PMS1: variants seen among roughly 807,000 people sequenced by gnomAD.
PMS1 encodes PMS1 homolog 1, mismatch repair system component.
Under a neutral mutation model 93.1 loss-of-function variants are expected in PMS1, and 79 were observed. The observed-to-expected ratio is 0.85, with a 90% CI of 0.71 to 1.02. The LOEUF (loss-of-function observed/expected upper bound fraction) is 1.02, where lower values mean the gene tolerates loss of function less well. PMS1 is among the 50% of genes least tolerant of loss of function. The probability of loss-of-function intolerance (pLI) is 0.00; values close to 1 mark genes in which losing one functional copy is unlikely to be tolerated. For synonymous variants in PMS1, 335 were observed against 363.4 expected (o/e 0.92, Z 0.89); for missense variants, 1,064 against 1,085.3 (o/e 0.98, Z 0.28).
Position 189,795,826 on chromosome 2 carries a change from G to T in PMS1, c.190G>T (p.Val64Phe). 6.2e-7 allele frequency: 1 copy of T among 1,613,038 alleles called. No homozygotes were observed. Among genetic ancestry groups the T allele is most frequent in the Non-Finnish European group, 8.5e-7 (1 of 1,178,996 alleles). ...AGATAACGGGGAGGGTATCAAGGCTGTTGATGCACCTGTAATGGCAATGAA... is the reference window on the plus strand; with the variant it reads ...AGATAACGGGGAGGGTATCAAGGCTTTTGATGCACCTGTAATGGCAATGAA... The part of the protein sequence containing the change: ...VRDNGEGIKA[V>F]DAPVMAMKYY... The change falls in exon 3 of 13, where the codon GTT (valine) becomes TTT (phenylalanine). Residue 64 changes from valine to phenylalanine, a missense_variant. By Grantham distance (50) the Val-to-Phe change is conservative. Transcript: ENST00000441310.
rs180970888 is a variant in PMS1, at chr2:189,845,194, A to G, written c.699+1114A>G. 7.9e-5 allele frequency among the ~76,000 whole-genome samples: 12 copies of G among 152,276 alleles called. No homozygotes were observed. The East Asian group carries it at 2.1e-3, about 27-fold the overall frequency. The stretch of plus-strand genomic sequence containing the variant: ...TATGTAGCCATTTTTTAAGTCTTCT[A>G]TCTTTTGTCTGAAGATTGATTCTAA... On this transcript the variant is annotated intron_variant, in intron 6 of 12. Transcript: ENST00000441310.
intron 5 of PMS1, among the ~76,000 whole-genome samples, chr2:189,819,361 CCTT>C (rs1377829262): frequency 6.6e-6 from 1 of 152,156 alleles, no homozygotes; most frequent in Non-Finnish European, 1.5e-5. Flanking sequence ...GCACAGGCGT[CCTT>C]CTGGTATAAT....
At chr2:189,855,923 G>A (rs879248627) in intron 9 of PMS1, 2 of 845,454 alleles carry the variant, frequency 2.4e-6, no homozygotes, top group South Asian at 5.9e-5. Context: ...ACAGGTATCT[G>A]AGTATCTCAA....
chr2:189,846,927 T>C (rs781085742), intron 6 of PMS1, among the ~76,000 whole-genome samples: 1 of 151,232 alleles, frequency 6.6e-6, no homozygotes, highest in Non-Finnish European at 1.5e-5. Flanking sequence ...AGTGGTGCAA[T>C]CTCGGCTCAC....
rs183717609 is a variant in PMS1, at chr2:189,853,985, G to A, written c.869G>A (p.Arg290His). The A allele has an allele frequency of 6.8e-6, 11 of 1,607,122 alleles. No homozygotes were observed. The highest frequency in any genetic ancestry group is 1.7e-5 in the Admixed American group (1 of 59,894). Residue 290 changes from arginine (R) to histidine (H), a missense_variant, in exon 8 of 13, where the codon CGT (arginine) becomes CAT (histidine). Transcript: ENST00000441310. ...YNLKCLKEST[R>H]LYPVFFLKID... ...CTGAAATGCCTAAAGGAATCTACTCGTTTGTATCCTGTTTTCTTTCTGAAA... is the reference window on the plus strand; with the variant it reads ...CTGAAATGCCTAAAGGAATCTACTCATTTGTATCCTGTTTTCTTTCTGAAA...
At chr2:189,843,909 G>A in intron 5 of PMS1, 55 bp from the exon 6 acceptor site, 1 of 1,464,794 alleles carries the variant, frequency 6.8e-7, no homozygotes, top group African/African-American at 1.4e-5. Flanking sequence ...CTGACTTCTT[G>A]AGTTTAGTAA....
intron 11 of PMS1, among the ~76,000 whole-genome samples, chr2:189,872,724 C>T (rs5743180): frequency 0.012 from 1,886 of 152,268 alleles, 36 homozygotes; most frequent in African/African-American, 0.04. Flanking sequence ...CCTGTGCCTC[C>T]TGGGATCAAG....
At chr2:189,861,147 G>T (rs549403617) in intron 9 of PMS1, among the ~76,000 whole-genome samples, 53 of 151,624 alleles carry the variant, frequency 3.5e-4, no homozygotes, top group Middle Eastern at 3.4e-3. Context: ...CTCCTTTTTG[G>T]GGGGAGAGGA....
chr2:189,808,148 T>C (rs5743024), intron 4 of PMS1, among the ~76,000 whole-genome samples: 3,878 of 152,164 alleles, frequency 0.025, 171 homozygotes, highest in African/African-American at 0.088. Context: ...TACCTGTACA[T>C]GTAGGGTTCT....
chr2:189,798,822 G>A (rs1047464965), intron 3 of PMS1, among the ~76,000 whole-genome samples: 2 of 144,182 alleles, frequency 1.4e-5, no homozygotes, highest in African/African-American at 5.2e-5. Context: ...GCTTTATTTG[G>A]TAGATTATCA....
intron 12 of PMS1, among the ~76,000 whole-genome samples, chr2:189,877,057 C>T (rs943817635): frequency 3.3e-5 from 5 of 152,094 alleles, no homozygotes; most frequent in Non-Finnish European, 7.3e-5. Flanking sequence ...TTCTGTTTCT[C>T]TGCACTAGAA....
chr2:189,844,851 AT>A (rs2054125178), intron 6 of PMS1, among the ~76,000 whole-genome samples: 1 of 150,416 alleles, frequency 6.6e-6, no homozygotes, highest in East Asian at 2.0e-4. Flanking sequence ...TATATATATA[AT>A]TTTTTTCTTC....
intron 4 of PMS1, among the ~76,000 whole-genome samples, chr2:189,809,662 G>A (rs1407770258): frequency 1.3e-5 from 2 of 151,792 alleles, no homozygotes; most frequent in African/African-American, 4.8e-5. Flanking sequence ...TGGCCAACAA[G>A]GTGAAACCCT....
chr2:189,799,105 T>C (rs2049640643), intron 3 of PMS1, among the ~76,000 whole-genome samples: 1 of 152,236 alleles, frequency 6.6e-6, no homozygotes, highest in Non-Finnish European at 1.5e-5. Flanking sequence ...TATCATTTTG[T>C]CTTTGTTTTA....
At chr2:189,853,800 A>T in intron 7 of PMS1, 139 bp from the exon 8 acceptor site, 1 of 553,694 alleles carries the variant, frequency 1.8e-6, no homozygotes, top group Non-Finnish European at 3.1e-6. Flanking sequence ...CCCAGGCATG[A>T]GCCACTGTGC....
At chr2:189,875,314 C>T (rs2057467508) in intron 12 of PMS1, among the ~76,000 whole-genome samples, 1 of 151,350 alleles carries the variant, frequency 6.6e-6, no homozygotes, top group South Asian at 2.1e-4. Context: ...TCCAGCACCA[C>T]CTGTGGATAC....
At chr2:189,805,352 G>T (rs2050240298) in intron 3 of PMS1, among the ~76,000 whole-genome samples, 1 of 152,102 alleles carries the variant, frequency 6.6e-6, no homozygotes, top group Admixed American at 6.6e-5. Context: ...TGCTTTTACA[G>T]ACATAAGTCA....
chr2:189,836,039 T>A (rs1216229655), intron 5 of PMS1, among the ~76,000 whole-genome samples: 3 of 152,162 alleles, frequency 2.0e-5, no homozygotes, highest in African/African-American at 7.2e-5. Flanking sequence ...GCCAATAATA[T>A]ATCCTCTTTA....
chr2:189,840,078 A>G lies in PMS1; in HGVS notation c.583-3886A>G, dbSNP rs549243817. On this transcript the variant is annotated intron_variant, in intron 5 of 12. Coordinates refer to ENST00000441310, the MANE Select transcript of PMS1 (RefSeq NM_000534.5). ...CTATACCTTATATTTAAAATTGTAT[A>G]CAATTTATTTTTATACTTTGATTTC... 7.2e-5 allele frequency among the ~76,000 whole-genome samples: 11 copies of G among 152,312 alleles called. No homozygotes were observed. In the South Asian group the frequency reaches 1.9e-3, roughly 26 times the overall value.
Sources: gnomAD v4.1 joint callset for allele counts (sites outside exome capture counted in the v4.1 genomes callset) on GRCh38, gnomAD v4.1.1 for gene constraint, MANE v1.5 for transcripts, NCBI Gene and HGNC (gene_info 2026-07-23, HGNC 2026-07-21) for gene names.